NCAM1: variants seen among roughly 807,000 people sequenced by gnomAD.
NCAM1 encodes the protein neural cell adhesion molecule 1.
A neutral mutation model predicts 109.8 loss-of-function variants in NCAM1; 14 were observed. The observed-to-expected ratio is 0.13, with a 90% CI of 0.08 to 0.20. The LOEUF is 0.20. Ranked by LOEUF, NCAM1 falls within the 10% of genes least tolerant of loss-of-function variation. The pLI is 1.00. For synonymous variants in NCAM1, 418 were observed against 442.9 expected, an observed-to-expected ratio of 0.94 and a Z score of 0.70; for missense variants, 774 against 1,109.9, an observed-to-expected ratio of 0.70 and a Z score of 4.30.
At chr11:113,030,459 A>G (rs1289944211) in intron 1 of NCAM1, among the ~76,000 whole-genome samples, 1 of 152,214 alleles carries the variant, frequency 6.6e-6, no homozygotes, top group African/African-American at 2.4e-5. Flanking sequence ...TACCATCTCA[A>G]ACATGGTTTC....
rs45568634 is a variant in NCAM1 at position 113,231,635 on chromosome 11, C to A, written c.1090-10C>A. The A allele has an allele frequency of 5.6e-6, 9 of 1,611,840 alleles. No homozygotes were observed. The highest frequency in any genetic ancestry group is 1.3e-5 in the African/African-American group (1 of 74,546). On this transcript the variant is annotated splice_polypyrimidine_tract_variant and intron_variant, in intron 9 of 19. Transcript: ENST00000316851. ...CTCTGACATGCTCCCTTCCCCCCCA[C>A]CCCCGGCAGACTCTGGATGGGCACA...
intron 1 of NCAM1, among the ~76,000 whole-genome samples, chr11:113,061,159 C>T (rs1555083383): frequency 6.6e-6 from 1 of 152,136 alleles, no homozygotes. Context: ...TAAATGAGAT[C>T]ATATACAGAA....
At chr11:113,161,967 G>A (rs1376670755) in intron 1 of NCAM1, among the ~76,000 whole-genome samples, 6 of 152,118 alleles carry the variant, frequency 3.9e-5, no homozygotes, top group African/African-American at 9.7e-5. Flanking sequence ...TGCAAACAAC[G>A]TGAAATCTTG....
intron 1 of NCAM1, among the ~76,000 whole-genome samples, chr11:113,191,127 G>A (rs782019997): frequency 5.3e-5 from 8 of 152,160 alleles, no homozygotes; most frequent in Admixed American, 2.6e-4. Context: ...AGCAGCCCCC[G>A]ACCCCATCCC....
At chr11:113,006,901 A>G (rs1555073419) in intron 1 of NCAM1, among the ~76,000 whole-genome samples, 1 of 152,154 alleles carries the variant, frequency 6.6e-6, no homozygotes, top group Non-Finnish European at 1.5e-5. Flanking sequence ...TAGCTGTGAT[A>G]TTTAAAGGAT....
At chr11:113,227,031 A>C (rs1944872589) in intron 9 of NCAM1, among the ~76,000 whole-genome samples, 1 of 152,246 alleles carries the variant, frequency 6.6e-6, no homozygotes, top group African/African-American at 2.4e-5. Flanking sequence ...CTAGAGAAGC[A>C]AGAGCAAACA....
chr11:113,066,772 G>A (rs1591297034), intron 1 of NCAM1, among the ~76,000 whole-genome samples: 2 of 151,978 alleles, frequency 1.3e-5, no homozygotes, highest in South Asian at 2.1e-4. Context: ...AGGCCGAGGC[G>A]GGTGGATCAC....
intron 19 of NCAM1, 66 bp downstream of exon 19, chr11:113,271,942 C>G: frequency 8.5e-7 from 1 of 1,174,396 alleles, no homozygotes; most frequent in Non-Finnish European, 1.2e-6. Context: ...CCCCACCCTA[C>G]CCCCACCTCC....
intron 17 of NCAM1, chr11:113,269,792 G>A (rs763046021): frequency 1.1e-4 from 27 of 239,894 alleles, no homozygotes; most frequent in Non-Finnish European, 1.7e-4. Flanking sequence ...CCACAGCCCC[G>A]CCTGAAATCA....
chr11:113,236,354 C>T lies in NCAM1; in HGVS notation c.1825+1190C>T, dbSNP rs377424505. On this transcript the variant is annotated intron_variant, in intron 14 of 19. Transcript: ENST00000316851. ...CATACCTCATTACCTGTTTCCATAG[C>T]GTTAACATCTGCTAGTTCTAGTTCG... The T allele has an allele frequency of 2.9e-4, 457 of 1,602,636 alleles. 1 individual carries two copies. The highest frequency in any genetic ancestry group is 3.5e-4 in the Non-Finnish European group (407 of 1,169,814).
chr11:113,265,360 C>A (rs1184510267), intron 17 of NCAM1, among the ~76,000 whole-genome samples: 1 of 151,922 alleles, frequency 6.6e-6, no homozygotes, highest in African/African-American at 2.4e-5. Flanking sequence ...CTCTTTTTCC[C>A]AGGCATCCTA....
At chr11:112,981,222 C>G (rs181360799) in intron 1 of NCAM1, among the ~76,000 whole-genome samples, 3 of 151,656 alleles carry the variant, frequency 2.0e-5, no homozygotes, top group African/African-American at 4.8e-5. Context: ...AAAAAAAAAC[C>G]GAAATGATGT....
chr11:113,130,446 G>C (rs763598738), intron 1 of NCAM1, among the ~76,000 whole-genome samples: 1 of 152,276 alleles, frequency 6.6e-6, no homozygotes, highest in East Asian at 1.9e-4. Context: ...GCCACAAAGT[G>C]ATGTATATTA....
At chr11:113,126,493 T>A (rs1371499811) in intron 1 of NCAM1, among the ~76,000 whole-genome samples, 6 of 152,164 alleles carry the variant, frequency 3.9e-5, no homozygotes, top group African/African-American at 1.4e-4. Flanking sequence ...GACTCAGATG[T>A]GTTTATAGCC....
At chr11:113,017,220 G>C (rs1952229317) in intron 1 of NCAM1, among the ~76,000 whole-genome samples, 1 of 152,150 alleles carries the variant, frequency 6.6e-6, no homozygotes. Flanking sequence ...GAGGTTTGTT[G>C]TTTGGTCCCT....
chr11:113,197,557 G>A (rs1396740565), intron 1 of NCAM1, among the ~76,000 whole-genome samples: 3 of 152,076 alleles, frequency 2.0e-5, no homozygotes, highest in Non-Finnish European at 4.4e-5. Flanking sequence ...TGTTTCACCC[G>A]TCCTTTAAAT....
At chr11:113,035,777 C>CTG (rs145079596) in intron 1 of NCAM1, among the ~76,000 whole-genome samples, 19,042 of 152,132 alleles carry the variant, frequency 0.13, 1,696 homozygotes, top group South Asian at 0.4. Context: ...TTTATTATTA[C>CTG]TGTGATCTCC....
intron 11 of NCAM1, among the ~76,000 whole-genome samples, 166 bp downstream of exon 11, chr11:113,232,520 C>G (rs1945042461): frequency 6.6e-6 from 1 of 152,208 alleles, no homozygotes. Flanking sequence ...CCTTCGCCCA[C>G]TCTACCAGTC....
intron 1 of NCAM1, among the ~76,000 whole-genome samples, chr11:113,023,912 CA>C (rs201627711): frequency 2.7e-4 from 37 of 137,624 alleles, no homozygotes; most frequent in East Asian, 4.1e-4. Flanking sequence ...GTCTGATCTG[CA>C]AAAAAAAAAG....
Sources: gnomAD v4.1 joint callset for allele counts (sites outside exome capture counted in the v4.1 genomes callset) on GRCh38, gnomAD v4.1.1 for gene constraint, MANE v1.5 for transcripts, NCBI Gene and HGNC (gene_info 2026-07-23, HGNC 2026-07-21) for gene names.